Variants in ETV1 observed in about 807,000 individuals in gnomAD.
ETV1 encodes ETS variant transcription factor 1, also known as ETS translocation variant 1.
In ETV1, 27 loss-of-function variants were observed where a neutral mutation model predicts 62.3. The observed-to-expected ratio is 0.43, with a 90% CI of 0.32 to 0.60. The LOEUF (loss-of-function observed/expected upper bound fraction) is 0.60. Among genes scored for constraint, ETV1 ranks in the 20% least tolerant of loss-of-function variants. The pLI, the probability that ETV1 is intolerant of heterozygous loss-of-function variation, is 0.06. For missense variants in ETV1, 605 were observed against 605.8 expected, an observed-to-expected ratio of 1.00 and a Z score of 0.01; for synonymous variants, 222 against 199.6, an observed-to-expected ratio of 1.11 and a Z score of -0.94.
chr7:13,940,391 A>G (rs1431333593), intron 6 of ETV1, among the ~76,000 whole-genome samples: 1 of 136,064 alleles, frequency 7.3e-6, no homozygotes, highest in Admixed American at 7.5e-5. Flanking sequence ...GAAAAAAAAG[A>G]AAAAAAAAGC....
chr7:13,964,287 T>G (rs114314680), intron 6 of ETV1, among the ~76,000 whole-genome samples: 1,610 of 152,244 alleles, frequency 0.011, 38 homozygotes, highest in African/African-American at 0.037. Context: ...CATACATCTT[T>G]ATAGGGATGA....
intron 12 of ETV1, among the ~76,000 whole-genome samples, chr7:13,903,049 C>T (rs1399016354): frequency 1.3e-5 from 2 of 152,140 alleles, no homozygotes; most frequent in South Asian, 2.1e-4. Context: ...GGTAGGCCAA[C>T]CACCAACTAA....
At chr7:13,978,058 A>G (rs553128487) in intron 5 of ETV1, among the ~76,000 whole-genome samples, 1 of 152,324 alleles carries the variant, frequency 6.6e-6, no homozygotes, top group African/African-American at 2.4e-5. Flanking sequence ...TGGCTCATAT[A>G]TAATAAAGTA....
At chr7:13,980,463 T>C (rs1781868922) in intron 5 of ETV1, among the ~76,000 whole-genome samples, 1 of 152,104 alleles carries the variant, frequency 6.6e-6, no homozygotes. Flanking sequence ...AAAAGCAATG[T>C]TTTTTCCACT....
chr7:13,977,383 C>T (rs2066976), intron 6 of ETV1, 44 bp downstream of exon 6: 1 of 1,316,190 alleles, frequency 7.6e-7, no homozygotes, highest in South Asian at 1.4e-5. Context: ...AGAAGGAAAC[C>T]AGAAAGACAG....
At chr7:13,939,323 T>A in intron 6 of ETV1, 77 bp from the exon 7 acceptor site, 1 of 1,275,684 alleles carries the variant, frequency 7.8e-7, no homozygotes, top group Non-Finnish European at 1.1e-6. Flanking sequence ...CTACTTCTCT[T>A]GTTAAAAAGG....
At chr7:13,936,486 C>G (rs1236936832) in intron 7 of ETV1, among the ~76,000 whole-genome samples, 3 of 152,078 alleles carry the variant, frequency 2.0e-5, no homozygotes, top group African/African-American at 4.8e-5. Flanking sequence ...ATTAAAATGT[C>G]TGATATATTT....
At chr7:13,981,581 A>G (rs996675157) in intron 5 of ETV1, among the ~76,000 whole-genome samples, 3 of 152,062 alleles carry the variant, frequency 2.0e-5, no homozygotes, top group Non-Finnish European at 4.4e-5. Context: ...CCTGCTTTAC[A>G]GAGTAACTTG....
In ETV1 at chr7:13,925,485, T is replaced by G. The variant is rs547035759; in HGVS notation, c.802+6017A>C. Reference sequence around the variant, plus strand: ...CATTTACGCTTACAACGTGTGAGACTATAACATCATTTACTTGTTTTCACT... The same window carrying G: ...CATTTACGCTTACAACGTGTGAGACGATAACATCATTTACTTGTTTTCACT... On this transcript the variant is annotated intron_variant, in intron 9 of 13. Coordinates refer to ENST00000430479, the MANE Select transcript of ETV1 (RefSeq NM_004956.5). Among the ~76,000 whole-genome samples the G allele has an allele frequency of 2.0e-5, 3 of 152,316 alleles. No individual in the cohort carries two copies. The South Asian group carries it at 6.2e-4, about 32-fold the overall frequency.
chr7:13,909,500 C>T, intron 11 of ETV1, 132 bp downstream of exon 11: 1 of 704,746 alleles, frequency 1.4e-6, no homozygotes, highest in Non-Finnish European at 2.5e-6. Context: ...TCAACGTTGG[C>T]TAAAATTAAG....
intron 6 of ETV1, among the ~76,000 whole-genome samples, chr7:13,952,165 T>A (rs1444510862): frequency 6.6e-6 from 1 of 152,152 alleles, no homozygotes; most frequent in Non-Finnish European, 1.5e-5. Flanking sequence ...AGTCGAGTAA[T>A]CTCTACCCAG....
At chr7:13,961,420 G>A (rs1790154369) in intron 6 of ETV1, among the ~76,000 whole-genome samples, 1 of 152,026 alleles carries the variant, frequency 6.6e-6, no homozygotes, top group Admixed American at 6.6e-5. Context: ...GGGTCCTGTG[G>A]ATTCATTTTT....
chr7:13,928,620 A>C (rs910726078), intron 9 of ETV1, among the ~76,000 whole-genome samples: 1 of 151,694 alleles, frequency 6.6e-6, no homozygotes, highest in African/African-American at 2.4e-5. Flanking sequence ...CTCAAAAAAA[A>C]AGAGAAGAGT....
intron 5 of ETV1, among the ~76,000 whole-genome samples, chr7:13,980,618 A>G (rs1470576737): frequency 6.6e-6 from 1 of 152,156 alleles, no homozygotes; most frequent in Non-Finnish European, 1.5e-5. Context: ...AATGCTTTCA[A>G]GGAGATTAAG....
At chr7:13,969,083 T>C (rs759235266) in intron 6 of ETV1, among the ~76,000 whole-genome samples, 1 of 152,160 alleles carries the variant, frequency 6.6e-6, no homozygotes, top group Non-Finnish European at 1.5e-5. Flanking sequence ...AGTGGAACAG[T>C]AGAACATCTA....
intron 8 of ETV1, among the ~76,000 whole-genome samples, chr7:13,932,368 G>A (rs879602393): frequency 9.2e-5 from 14 of 152,244 alleles, no homozygotes; most frequent in Admixed American, 4.6e-4. Flanking sequence ...AACCCAAGCC[G>A]GTTGTAAAAA....
chr7:13,984,352 G>C (rs1053861423), intron 5 of ETV1, among the ~76,000 whole-genome samples: 3 of 151,958 alleles, frequency 2.0e-5, no homozygotes, highest in Non-Finnish European at 2.9e-5. Flanking sequence ...GACATAAATG[G>C]ACACATCTCA....
At chr7:13,966,510 T>C (rs190858853) in intron 6 of ETV1, among the ~76,000 whole-genome samples, 1 of 152,036 alleles carries the variant, frequency 6.6e-6, no homozygotes, top group Admixed American at 6.6e-5. Flanking sequence ...GGTGCATGCC[T>C]ATGGTCTCAG....
At chr7:13,980,297 G>A (rs971428375) in intron 5 of ETV1, among the ~76,000 whole-genome samples, 2 of 152,106 alleles carry the variant, frequency 1.3e-5, no homozygotes, top group African/African-American at 4.8e-5. Flanking sequence ...TCTAGGCAAG[G>A]AAAATATGAC....
Sources: allele counts gnomAD v4.1 joint callset (sites outside exome capture counted in the v4.1 genomes callset), GRCh38; gene constraint gnomAD v4.1.1; transcripts MANE v1.5; gene names NCBI Gene and HGNC (gene_info 2026-07-23, HGNC 2026-07-21).